Variants in BRD10 observed in about 807,000 individuals in gnomAD.
The protein encoded by BRD10 is uncharacterized bromodomain-containing protein 10.
chr9:5,935,197 A>G, the BRD10 span, among the ~76,000 whole-genome samples: 1 of 152,174 alleles, frequency 6.6e-6, no homozygotes, highest in African/African-American at 2.4e-5. Flanking sequence ...ACTCTTACCA[A>G]TTTTTACTTA....
chr9:5,984,809 A>G, the BRD10 span, among the ~76,000 whole-genome samples: 1 of 152,190 alleles, frequency 6.6e-6, no homozygotes, highest in Non-Finnish European at 1.5e-5. Context: ...ACTACAAAAT[A>G]CAGCTAAGAA....
chr9:5,910,665 C>G, the BRD10 span: 1 of 152,262 alleles, frequency 6.6e-6, no homozygotes, highest in South Asian at 2.1e-4. Context: ...CAGAGTTCCT[C>G]AGACAGTGTC....
the BRD10 span, among the ~76,000 whole-genome samples, chr9:5,905,050 G>A: frequency 8.5e-4 from 129 of 152,280 alleles, no homozygotes; most frequent in Non-Finnish European, 1.6e-3. Context: ...TGCGATTACA[G>A]GTGTGAGCCA....
At chr9:5,995,548 T>C in the BRD10 span, among the ~76,000 whole-genome samples, 1 of 152,204 alleles carries the variant, frequency 6.6e-6, no homozygotes, top group Admixed American at 6.5e-5. Context: ...CCAATTCATC[T>C]TTCATTCACA....
chr9:5,900,102 A>G, the BRD10 span, among the ~76,000 whole-genome samples: 1 of 152,244 alleles, frequency 6.6e-6, no homozygotes, highest in Non-Finnish European at 1.5e-5. Flanking sequence ...TTTCCTAACT[A>G]TAATTATTAG....
chr9:5,988,525 G>A, the BRD10 span: 84 of 1,613,502 alleles, frequency 5.2e-5, 1 homozygote, highest in South Asian at 2.4e-4. Context: ...AACTGCTATC[G>A]TTGTCTTTTC....
chr9:5,887,880 T>C, the BRD10 span, among the ~76,000 whole-genome samples: 1 of 152,210 alleles, frequency 6.6e-6, no homozygotes, highest in Non-Finnish European at 1.5e-5. Context: ...TCAGTTTAAA[T>C]TTTCCCTCCT....
the BRD10 span, chr9:5,920,089 A>G: frequency 1.2e-6 from 2 of 1,613,960 alleles, no homozygotes; most frequent in East Asian, 2.2e-5. Context: ...CATTCCCAAA[A>G]GAGTTTATAA....
the BRD10 span, among the ~76,000 whole-genome samples, chr9:5,986,821 T>C: frequency 6.6e-6 from 1 of 152,242 alleles, no homozygotes; most frequent in African/African-American, 2.4e-5. Flanking sequence ...ATATTCATAG[T>C]TTCCTGCTAT....
At chr9:5,890,968 G>C in the BRD10 span, 3 of 152,158 alleles carry the variant, frequency 2.0e-5, no homozygotes, top group African/African-American at 7.2e-5. Flanking sequence ...CATAATCATA[G>C]TCCTCTTCTC....
At chr9:5,964,386 C>A in the BRD10 span, among the ~76,000 whole-genome samples, 1 of 151,994 alleles carries the variant, frequency 6.6e-6, no homozygotes, top group African/African-American at 2.4e-5. Context: ...GAATGGCAAT[C>A]ATTCAAAAGT....
chr9:5,977,981 C>A, the BRD10 span, among the ~76,000 whole-genome samples: 1 of 152,162 alleles, frequency 6.6e-6, no homozygotes, highest in Non-Finnish European at 1.5e-5. Context: ...AAAATACTAG[C>A]TCAAAAAATT....
the BRD10 span, among the ~76,000 whole-genome samples, chr9:5,999,557 T>C: frequency 5.9e-5 from 9 of 152,110 alleles, no homozygotes; most frequent in Admixed American, 5.9e-4. Flanking sequence ...AAATCCTTCA[T>C]ACAACTCCCG....
chr9:5,935,588 CTGA>C, the BRD10 span, among the ~76,000 whole-genome samples: 1 of 152,156 alleles, frequency 6.6e-6, no homozygotes, highest in African/African-American at 2.4e-5. Flanking sequence ...AGCCAACAAA[CTGA>C]TGATATTTTA....
the BRD10 span, among the ~76,000 whole-genome samples, chr9:5,949,537 G>C: frequency 6.6e-6 from 1 of 152,108 alleles, no homozygotes; most frequent in East Asian, 1.9e-4. Flanking sequence ...TCTTATGTTT[G>C]AAAACAATGT....
At chr9:5,958,573 G>A in the BRD10 span, among the ~76,000 whole-genome samples, 3 of 152,124 alleles carry the variant, frequency 2.0e-5, no homozygotes, top group Non-Finnish European at 4.4e-5. Context: ...GATGGCTTGC[G>A]CCCCGGAGTT....
chr9:5,893,908 G>A, the BRD10 span, among the ~76,000 whole-genome samples: 6 of 108,220 alleles, frequency 5.5e-5, no homozygotes, highest in South Asian at 2.9e-4. Flanking sequence ...CTCCACCCCC[G>A]CCCCCCGCCC....
At chr9:6,005,276 C>T in the BRD10 span, among the ~76,000 whole-genome samples, 1 of 151,434 alleles carries the variant, frequency 6.6e-6, no homozygotes, top group South Asian at 2.1e-4. Context: ...TTTGGGAGGC[C>T]GAGGCGGGCG....
chr9:6,008,174 G>A, the BRD10 span: 1 of 974,606 alleles, frequency 1.0e-6, no homozygotes, highest in Non-Finnish European at 1.2e-6. Context: ...GCGGGGGGCT[G>A]GGAGGGGGCG....
Sources: allele counts gnomAD v4.1 joint callset (sites outside exome capture counted in the v4.1 genomes callset), GRCh38; gene constraint gnomAD v4.1.1; transcripts MANE v1.5; gene names NCBI Gene and HGNC (gene_info 2026-07-23, HGNC 2026-07-21).